DPPA4: variants seen among roughly 807,000 people sequenced by gnomAD.
DPPA4 encodes the protein developmental pluripotency associated 4.
In DPPA4, 22 loss-of-function variants were observed where a neutral mutation model predicts 33.7. The ratio of observed to expected loss-of-function variants is 0.65; its 90% CI spans 0.47 to 0.93. The LOEUF is 0.93. Among genes scored for constraint, DPPA4 ranks in the 40% least tolerant of loss-of-function variants. DPPA4 has a pLI of 0.00. For synonymous variants in DPPA4, 156 were observed against 132.3 expected (o/e 1.18, Z -1.23); for missense variants, 340 against 358.6 (o/e 0.95, Z 0.42).
rs1432471444 is a variant in DPPA4, at chr3:109,337,488, A to G, written c.30T>C (p.Ser10=). Residue 10 remains serine (S), a synonymous_variant, in exon 1 of 7, where the codon AGT becomes AGC. Coordinates refer to ENST00000335658, the MANE Select transcript of DPPA4 (RefSeq NM_018189.4). Reference sequence around the variant, plus strand: ...CCTCCTTGCCTTTTGCCTTCTCCATACTTGTAGAAGAAGCGGAGCCTCGCA... The same window carrying G: ...CCTCCTTGCCTTTTGCCTTCTCCATGCTTGTAGAAGAAGCGGAGCCTCGCA... MLRGSASST[S]MEKAKGKEWT... 1.9e-6 allele frequency: 3 copies of G among 1,613,926 alleles called. No homozygotes were observed. Among genetic ancestry groups the G allele is most frequent in the African/African-American group, 2.7e-5 (2 of 74,892 alleles).
intron 1 of DPPA4, among the ~76,000 whole-genome samples, chr3:109,334,933 A>G (rs1358216400): frequency 6.6e-6 from 1 of 152,154 alleles, no homozygotes; most frequent in Non-Finnish European, 1.5e-5. Flanking sequence ...AGACCAATCT[A>G]CTAAATACTA....
At chr3:109,333,054 T>G (rs1180290787) in intron 2 of DPPA4, among the ~76,000 whole-genome samples, 1 of 150,644 alleles carries the variant, frequency 6.6e-6, no homozygotes, top group Non-Finnish European at 1.5e-5. Context: ...CCATAAAAAT[T>G]TCTAAGGCTG....
exon 1 of DPPA4, chr3:109,337,543 GATTGCT>G: frequency 6.2e-7 from 1 of 1,613,280 alleles, no homozygotes; most frequent in Non-Finnish European, 8.5e-7. Flanking sequence ...CCTGCCCCAA[GATTGCT>G]ATTTGCAAAG....
intron 6 of DPPA4, 37 bp downstream of exon 6, chr3:109,328,853 C>T (rs1313989498): frequency 6.4e-7 from 1 of 1,567,882 alleles, no homozygotes; most frequent in South Asian, 1.2e-5. Flanking sequence ...AAATCCGGCA[C>T]CCACTTTTAG....
rs757230151 is a variant in DPPA4 at position 109,329,054 on chromosome 3, G to A, written c.714C>T (p.Leu238=). Residue 238 remains leucine (L), a synonymous_variant, in exon 6 of 7, where the codon CTC becomes CTT. Coordinates refer to ENST00000335658, the MANE Select transcript of DPPA4 (RefSeq NM_018189.4). ...VRWCVVHGKS[L]PADTDGWVHL... ...GAACCCAACCATCTGTGTCTGCAGGGAGACTTTTCCCATGGACCACACACC... is the reference window on the plus strand; with the variant it reads ...GAACCCAACCATCTGTGTCTGCAGGAAGACTTTTCCCATGGACCACACACC... The A allele has an allele frequency of 6.2e-7, 1 of 1,613,916 alleles. No individual in the cohort carries two copies. The highest frequency in any genetic ancestry group is 8.5e-7 in the Non-Finnish European group (1 of 1,180,032).
chr3:109,338,114 T>TG (rs200120969), upstream of DPPA4, among the ~76,000 whole-genome samples: 1,865 of 152,190 alleles, frequency 0.012, 14 homozygotes, highest in African/African-American at 0.019. Context: ...AGAGGGCAAG[T>TG]GGGGGGGTCT....
At position 109,328,885 on chromosome 3, in the gene DPPA4, AT is replaced by A; in HGVS notation, c.878+4del. On this transcript the variant is annotated splice_donor_region_variant and intron_variant, in intron 6 of 6. Coordinates refer to ENST00000335658, the MANE Select transcript of DPPA4 (RefSeq NM_018189.4). ...TTAGTTTGTAGAAAAGCATCAGGTA[AT>A]TACCTGTGAACACATTTGGGGCACA... 6.2e-7 allele frequency: 1 copy of A among 1,611,292 alleles called. No homozygotes were observed. The highest frequency in any genetic ancestry group is 8.5e-7 in the Non-Finnish European group (1 of 1,178,120).
chr3:109,336,260 T>C (rs559834584), intron 1 of DPPA4: 15 of 152,292 alleles, frequency 9.8e-5, no homozygotes, highest in African/African-American at 3.4e-4. Context: ...TACATCTCTA[T>C]AGCAGTTCTA....
upstream of DPPA4, chr3:109,337,618 T>G: frequency 2.0e-6 from 2 of 997,086 alleles, no homozygotes; most frequent in Non-Finnish European, 3.2e-6. Context: ...CCTCTTCTTT[T>G]CTTCTCCCCT....
In DPPA4 at chr3:109,326,852, T is replaced by C. The variant is rs1576832026; in HGVS notation, c.*1136A>G. On this transcript the variant is annotated 3_prime_UTR_variant, in exon 7 of 7. Transcript: ENST00000335658. ...ACAAACGAGTCATACAAAAGAAAAATCACACTTTTTGGTTTACTCCTACTT... is the reference window on the plus strand; with the variant it reads ...ACAAACGAGTCATACAAAAGAAAAACCACACTTTTTGGTTTACTCCTACTT... 1 of 151,966 alleles carries C rather than the reference T, an allele frequency of 6.6e-6. No individual in the cohort carries two copies. Among genetic ancestry groups the C allele is most frequent in the African/African-American group, 2.4e-5 (1 of 41,386 alleles). 9.4% of individuals were successfully genotyped at this position (151,966 alleles called of 1,614,324 possible).
At chr3:109,334,212 A>T (rs1708145622) in intron 1 of DPPA4, among the ~76,000 whole-genome samples, 1 of 152,216 alleles carries the variant, frequency 6.6e-6, no homozygotes, top group Non-Finnish European at 1.5e-5. Context: ...AAAGCACATG[A>T]AAAGACAGAT....
Position 109,329,463 on chromosome 3 carries a change from A to T in DPPA4, c.680-375T>A, listed in dbSNP as rs1331436324. Reference sequence around the variant, plus strand: ...GGCAGGAGAATGGCGTGAACCCGGGAGGCGGTGCTTGCAGTGAGCCAAGAT... The same window carrying T: ...GGCAGGAGAATGGCGTGAACCCGGGTGGCGGTGCTTGCAGTGAGCCAAGAT... On this transcript the variant is annotated intron_variant, in intron 5 of 6. Transcript: ENST00000335658. 3 of 195,342 alleles carry T rather than the reference A, an allele frequency of 1.5e-5. No individual in the cohort carries two copies. In the Admixed American group the frequency reaches 1.6e-4, roughly 10 times the overall value. 12.1% of individuals were successfully genotyped at this position (195,342 alleles called of 1,614,324 possible).
intron 5 of DPPA4, 47 bp downstream of exon 5, chr3:109,330,477 G>C: frequency 6.2e-7 from 1 of 1,605,120 alleles, no homozygotes; most frequent in Non-Finnish European, 8.5e-7. Context: ...TATCTACTAA[G>C]CTTATTTCCC....
intron 1 of DPPA4, among the ~76,000 whole-genome samples, chr3:109,335,335 C>T (rs6801969): frequency 3.9e-5 from 6 of 151,982 alleles, no homozygotes; most frequent in Non-Finnish European, 5.9e-5. Flanking sequence ...ATGTCTCCCC[C>T]CACTGATCTC....
intron 5 of DPPA4, 123 bp downstream of exon 5, chr3:109,330,401 G>T: frequency 9.4e-7 from 1 of 1,063,306 alleles, no homozygotes; most frequent in Non-Finnish European, 1.4e-6. Context: ...AACTCTGTGG[G>T]CAGGGTCCAG....
chr3:109,330,327 AAAAAG>A (rs1708038196), intron 5 of DPPA4, 192 bp downstream of exon 5: 15 of 365,156 alleles, frequency 4.1e-5, no homozygotes, highest in South Asian at 1.5e-4. Flanking sequence ...AAAAAAAAAA[AAAAAG>A]GAAAAAAAAA....
chr3:109,334,110 G>A (rs1237687189), intron 1 of DPPA4, 117 bp from the exon 2 acceptor site: 4 of 1,076,318 alleles, frequency 3.7e-6, no homozygotes, highest in Non-Finnish European at 1.3e-6. Context: ...TCCACTGGCA[G>A]TGTGGATTCT....
chr3:109,329,115 G>A, intron 5 of DPPA4, 27 bp from the exon 6 acceptor site: 1 of 1,604,690 alleles, frequency 6.2e-7, no homozygotes, highest in African/African-American at 1.3e-5. Flanking sequence ...AAAGAGACAG[G>A]TACCCGCACA....
intron 1 of DPPA4, chr3:109,336,512 GAAAAGGGGACGAATT>G: frequency 6.6e-6 from 1 of 152,314 alleles, no homozygotes. Flanking sequence ...AGGACGCTGG[GAAAAGGGGACGAATT>G]CATTCTCAGC....
Sources: gnomAD v4.1 joint callset for allele counts (sites outside exome capture counted in the v4.1 genomes callset) on GRCh38, gnomAD v4.1.1 for gene constraint, MANE v1.5 for transcripts, NCBI Gene and HGNC (gene_info 2026-07-23, HGNC 2026-07-21) for gene names.